Variants in IGLON5 observed in about 807,000 individuals in gnomAD.
The protein encoded by IGLON5 is Ig-like domain-containing protein ENSP00000270642.
Under a neutral mutation model 38.2 loss-of-function variants are expected in IGLON5, and 16 were observed. The observed-to-expected ratio is 0.42, with a 90% confidence interval of 0.28 to 0.64. IGLON5 has a LOEUF of 0.64. Ranked by LOEUF, IGLON5 falls within the 30% of genes least tolerant of loss-of-function variation. The probability of loss-of-function intolerance (pLI) is 0.23; values close to 1 mark genes in which losing one functional copy is unlikely to be tolerated. For missense variants in IGLON5, 366 were observed against 483.4 expected, an observed-to-expected ratio of 0.76 and a Z score of 2.28; for synonymous variants, 207 against 216.4, an observed-to-expected ratio of 0.96 and a Z score of 0.38.
rs566986327 is a variant in IGLON5 at position 51,323,341 on chromosome 19, T to C, written c.159-321T>C. 1.1e-3 allele frequency among the ~76,000 whole-genome samples: 173 copies of C among 150,494 alleles called. 1 individual carries two copies. Among genetic ancestry groups the C allele is most frequent in the African/African-American group, 4.1e-3 (167 of 40,962 alleles). On this transcript the variant is annotated intron_variant, in intron 2 of 7. Transcript: ENST00000270642. ...GTCCCTCTCTCTGGGTCTCTGTCCC[T>C]CTCTCTAGGTCTCTTTCTCCTTCCT...
chr19:51,312,569 G>C (rs1055902923), intron 1 of IGLON5, among the ~76,000 whole-genome samples: 8 of 152,146 alleles, frequency 5.3e-5, no homozygotes. Flanking sequence ...GGAGGTTGCA[G>C]TTATGTGGGG....
intron 2 of IGLON5, among the ~76,000 whole-genome samples, chr19:51,323,210 G>A (rs1013638173): frequency 7.3e-6 from 1 of 137,206 alleles, no homozygotes; most frequent in African/African-American, 2.8e-5. Flanking sequence ...TTCTCTCTCC[G>A]GGTCTCTGTC....
chr19:51,316,847 T>C (rs8103884), intron 1 of IGLON5, among the ~76,000 whole-genome samples: 93,415 of 151,616 alleles, frequency 0.62, 29,188 homozygotes, highest in African/African-American at 0.71. Context: ...TGGGGACTCC[T>C]GGGTGCCAGA....
intron 1 of IGLON5, among the ~76,000 whole-genome samples, chr19:51,313,824 C>T (rs1015313557): frequency 1.3e-5 from 2 of 151,608 alleles, no homozygotes; most frequent in Non-Finnish European, 2.9e-5. Flanking sequence ...CTGCCTCAAG[C>T]GATCCTGCCA....
intron 1 of IGLON5, among the ~76,000 whole-genome samples, chr19:51,317,088 C>T (rs1984943871): frequency 6.6e-6 from 1 of 152,166 alleles, no homozygotes; most frequent in Non-Finnish European, 1.5e-5. Context: ...CACCCCCAGC[C>T]CAAGGTCACT....
In IGLON5 at chr19:51,328,841, T is replaced by C. The variant is rs1265157237; in HGVS notation, c.*82T>C. 4.1e-6 allele frequency: 4 copies of C among 979,014 alleles called. No individual in the cohort carries two copies. The highest frequency in any genetic ancestry group is 3.0e-5 in the Admixed American group (1 of 33,596). The allele number at this position is 979,014 out of a possible 1,614,324, so 60.6% of individuals were successfully genotyped here. A position where few individuals can be genotyped will look rare whatever the true frequency, so the allele number is the denominator to read the frequency against. On this transcript the variant is annotated 3_prime_UTR_variant, in exon 8 of 8. Transcript: ENST00000270642. ...GAAACGGGGGAGCAAGAGCCGTGGG[T>C]CTCGTGGGGGCAGAAGAGCTCTCGG...
At chr19:51,326,377 C>G (rs774217567) in intron 4 of IGLON5, among the ~76,000 whole-genome samples, 1 of 152,214 alleles carries the variant, frequency 6.6e-6, no homozygotes, top group East Asian at 1.9e-4. Context: ...GATCCCAGAA[C>G]GAGGGACCCT....
rs751474350 is a variant in IGLON5, at chr19:51,326,875, G to A, written c.623G>A (p.Arg208His). 5 of 1,564,914 alleles carry A rather than the reference G, an allele frequency of 3.2e-6. No individual in the cohort carries two copies. In the Admixed American group the frequency reaches 9.5e-5, roughly 30 times the overall value. Residue 208 changes from arginine to histidine, a missense_variant, in exon 5 of 8, where the codon CGC becomes CAC. Physicochemically the swap from Arg to His is conservative, Grantham distance 29. Transcript: ENST00000270642. ...HNGVNSAPDS[R>H]RVLVTVNYPP... ...GGGGTTAACTCGGCGCCCGACAGCCGCCGCGTGCTGGTCACAGTCAACTGT... is the reference window on the plus strand; with the variant it reads ...GGGGTTAACTCGGCGCCCGACAGCCACCGCGTGCTGGTCACAGTCAACTGT...
chr19:51,311,937 G>T lies in IGLON5; in HGVS notation c.79+11G>T. On this transcript the variant is annotated intron_variant, in intron 1 of 7. Transcript: ENST00000270642. ...CCGTCATCAGCCGAGGTACCGCAGC[G>T]CCGGGGGCGGGGGGCTCGGCCGGGA... 5 of 1,313,100 alleles carry T rather than the reference G, an allele frequency of 3.8e-6. No homozygotes were observed. Among genetic ancestry groups the T allele is most frequent in the Non-Finnish European group, 3.9e-6 (4 of 1,030,098 alleles). The allele number at this position is 1,313,100 out of a possible 1,614,324, so 81.3% of individuals were successfully genotyped here.
chr19:51,312,228 G>GT (rs1984784055), intron 1 of IGLON5, among the ~76,000 whole-genome samples: 1 of 151,986 alleles, frequency 6.6e-6, no homozygotes, highest in Non-Finnish European at 1.5e-5. Flanking sequence ...CTGCCTGGGG[G>GT]CAGGAGTCTG....
At position 51,323,854 on chromosome 19, in the gene IGLON5, C is replaced by T. The variant is rs374586974; in HGVS notation, c.351C>T (p.Arg117=). The T allele has an allele frequency of 1.2e-5, 19 of 1,613,582 alleles. No individual in the cohort carries two copies. The African/African-American group carries it at 2.3e-4, about 19-fold the overall frequency. ...EGLYTCSFQT[R]HQPYTTQVYL... is the part of the protein sequence containing the mutation. ...TCTACACCTGCTCCTTCCAGACCCG[C>T]CACCAGCCGTACACCACTCAGGTCT... Residue 117 remains arginine, a synonymous_variant, in exon 3 of 8, where the codon CGC becomes CGT. Transcript: ENST00000270642.
rs753477923 is a variant in IGLON5 at position 51,327,220 on chromosome 19, G to A, written c.767+20G>A. The A allele has an allele frequency of 2.5e-6, 4 of 1,599,522 alleles. No individual in the cohort carries two copies. In the African/African-American group the frequency reaches 4.0e-5, roughly 16 times the overall value. ...CAGACTGTGAGGACAGCACTGAGGG[G>A]GCCGTGGGAGCGGGAAGGGGAGGTC... On this transcript the variant is annotated intron_variant, in intron 6 of 7. Transcript: ENST00000270642. This position sits in a 1 kb window ranked among gnomAD's most constrained non-coding sequence, Gnocchi z 7.1.
intron 1 of IGLON5, among the ~76,000 whole-genome samples, chr19:51,313,637 C>CTCTCTCTCTTTTTCTTTCTT (rs1984828227): frequency 9.1e-6 from 1 of 110,152 alleles, no homozygotes; most frequent in Admixed American, 8.6e-5. Flanking sequence ...CTTTTTCTCT[C>CTCTCTCTCTTTTTCTTTCTT]TCTCTCTCTT....
At chr19:51,314,778 A>G (rs1244867362) in intron 1 of IGLON5, among the ~76,000 whole-genome samples, 2 of 152,210 alleles carry the variant, frequency 1.3e-5, no homozygotes, top group Non-Finnish European at 2.9e-5. Flanking sequence ...ATCTTGTCCA[A>G]GTTACAAGAG....
intron 2 of IGLON5, among the ~76,000 whole-genome samples, chr19:51,322,482 G>A (rs1985089876): frequency 6.6e-6 from 1 of 151,278 alleles, no homozygotes. Flanking sequence ...AGAGAGAAGG[G>A]GACAGAGATC....
At chr19:51,314,480 C>T (rs1359842508) in intron 1 of IGLON5, among the ~76,000 whole-genome samples, 2 of 152,198 alleles carry the variant, frequency 1.3e-5, no homozygotes, top group African/African-American at 4.8e-5. Flanking sequence ...CACTGTCTGG[C>T]CCCCACATTC....
Position 51,325,495 on chromosome 19 carries a change from C to T in IGLON5, c.511+30C>T, listed in dbSNP as rs369787348. 3.3e-5 allele frequency: 53 copies of T among 1,590,580 alleles called. No individual in the cohort carries two copies. Among genetic ancestry groups the T allele is most frequent in the South Asian group, 2.4e-4 (21 of 87,908 alleles). On this transcript the variant is annotated intron_variant, in intron 4 of 7. Transcript: ENST00000270642. This position sits in a 1 kb window ranked among gnomAD's most constrained non-coding sequence, Gnocchi z 5.5. Reference sequence around the variant, plus strand: ...GGACCCCATCCCAGGTCAAAAGCCCCGTCCCCCACTGCGCAGTCTGGGCCC... The same window carrying T: ...GGACCCCATCCCAGGTCAAAAGCCCTGTCCCCCACTGCGCAGTCTGGGCCC...
chr19:51,316,968 A>G (rs1004884691), intron 1 of IGLON5, among the ~76,000 whole-genome samples: 6 of 27,018 alleles, frequency 2.2e-4, no homozygotes, highest in Non-Finnish European at 4.8e-4. Flanking sequence ...CAGGTTTCCC[A>G]CCTGCGTCTT....
In IGLON5 at chr19:51,327,223, C is replaced by CG; in HGVS notation, c.767+24dup. The CG allele has an allele frequency of 1.3e-6, 2 of 1,595,330 alleles. No homozygotes were observed. Among genetic ancestry groups the CG allele is most frequent in the Non-Finnish European group, 1.7e-6 (2 of 1,168,802 alleles). Reference sequence around the variant, plus strand: ...ACTGTGAGGACAGCACTGAGGGGGCCGTGGGAGCGGGAAGGGGAGGTCTTT... The same window carrying CG: ...ACTGTGAGGACAGCACTGAGGGGGCCGGTGGGAGCGGGAAGGGGAGGTCTTT... On this transcript the variant is annotated intron_variant, in intron 6 of 7. Transcript: ENST00000270642. The surrounding 1 kb of genome is among the most constrained non-coding windows in gnomAD (Gnocchi z 7.1).
Sources: gnomAD v4.1 joint callset for allele counts (sites outside exome capture counted in the v4.1 genomes callset) on GRCh38, gnomAD v4.1.1 for gene constraint, Gnocchi (gnomAD v3.1) non-coding constraint, MANE v1.5 for transcripts, NCBI Gene and HGNC (gene_info 2026-07-23, HGNC 2026-07-21) for gene names.